NRCAM: variants seen among roughly 807,000 people sequenced by gnomAD.
NRCAM encodes neuronal cell adhesion molecule.
In NRCAM, 83 loss-of-function variants were observed where a neutral mutation model predicts 156.5. That is an observed-to-expected ratio of 0.53 (90% CI 0.44 to 0.64). NRCAM has a LOEUF of 0.64. Among genes scored for constraint, NRCAM ranks in the 30% least tolerant of loss-of-function variants. NRCAM has a pLI of 0.00. For missense variants in NRCAM, 1,417 were observed against 1,597.3 expected (o/e 0.89, Z 1.92); for synonymous variants, 538 against 563.9 (o/e 0.95, Z 0.65).
chr7:108,216,343 C>T (rs999606454), intron 11 of NRCAM, among the ~76,000 whole-genome samples: 2 of 152,164 alleles, frequency 1.3e-5, no homozygotes, highest in African/African-American at 4.8e-5. Flanking sequence ...TTGTCCTTAA[C>T]ATTTTTTCCT....
chr7:108,369,790 A>G (rs528536484), intron 2 of NRCAM, among the ~76,000 whole-genome samples: 1 of 152,270 alleles, frequency 6.6e-6, no homozygotes, highest in South Asian at 2.1e-4. Flanking sequence ...ATTAGCTTTA[A>G]CATATAGACT....
Position 108,175,804 on chromosome 7 carries a change from G to A in NRCAM, c.3152-447C>T, listed in dbSNP as rs186320205. Among the ~76,000 whole-genome samples the A allele has an allele frequency of 2.5e-3, 377 of 152,150 alleles. 5 individuals are homozygous for A. Among genetic ancestry groups the A allele is most frequent in the Non-Finnish European group, 3.7e-3 (252 of 67,960 alleles). ...ATTTTCATTGAATCTCAAGATTTCA[G>A]AATAACTTTTTAAAGTATGAAAAGA... On this transcript the variant is annotated intron_variant, in intron 27 of 32. Transcript: ENST00000379028.
chr7:108,302,567 G>A (rs1484548709), intron 3 of NRCAM, among the ~76,000 whole-genome samples: 1 of 152,156 alleles, frequency 6.6e-6, no homozygotes, highest in Non-Finnish European at 1.5e-5. Context: ...AAAGTTCTTG[G>A]TAAATTTAAA....
chr7:108,303,706 T>C (rs889789716), intron 3 of NRCAM, among the ~76,000 whole-genome samples: 2 of 152,116 alleles, frequency 1.3e-5, no homozygotes, highest in Admixed American at 6.5e-5. Context: ...ATGTAGGATC[T>C]AGTTGGCCTC....
Position 108,149,457 on chromosome 7 carries a change from A to C in NRCAM, c.*453T>G, listed in dbSNP as rs1327128449. On this transcript the variant is annotated 3_prime_UTR_variant, in exon 33 of 33. Transcript: ENST00000379028. ...ACAACAATGTCCACAAAGACATTGA[A>C]GTTCTAGAGAATACTACAGTAACAT... is the stretch of plus-strand genomic sequence containing the variant. The C allele has an allele frequency of 6.1e-6, 1 of 162,776 alleles. No individual in the cohort carries two copies. The highest frequency in any genetic ancestry group is 1.3e-5 in the Non-Finnish European group (1 of 74,176). The allele number at this position is 162,776 out of a possible 1,614,324, so 10.1% of individuals were successfully genotyped here.
chr7:108,420,536 C>T (rs970137759), intron 1 of NRCAM, among the ~76,000 whole-genome samples: 1 of 152,154 alleles, frequency 6.6e-6, no homozygotes, highest in Non-Finnish European at 1.5e-5. Flanking sequence ...GGGAGTTTCT[C>T]AGCTAGATGG....
In NRCAM at chr7:108,160,401, A is replaced by C; in HGVS notation, c.3558T>G (p.Ile1186Met). 6.2e-7 allele frequency: 1 copy of C among 1,613,804 alleles called. No homozygotes were observed. The highest frequency in any genetic ancestry group is 8.5e-7 in the Non-Finnish European group (1 of 1,179,734). ...AVALLILILL[I>M]VCFIRRNKGG... The stretch of plus-strand genomic sequence containing the variant: ...CCTTGTTTCTTCTGATGAAGCAAAC[A>C]ATCAGCAAAATTAAGATAAGGAGAG... The change falls in exon 31 of 33, where the codon ATT becomes ATG. Residue 1186 changes from isoleucine to methionine, a missense_variant. Coordinates refer to ENST00000379028, the MANE Select transcript of NRCAM (RefSeq NM_001037132.4).
At chr7:108,428,262 G>A (rs1193514752) in intron 1 of NRCAM, among the ~76,000 whole-genome samples, 1 of 151,830 alleles carries the variant, frequency 6.6e-6, no homozygotes, top group Non-Finnish European at 1.5e-5. Flanking sequence ...TTTATTTTTC[G>A]CTAAAAATAA....
chr7:108,189,468 C>T (rs1258718971), intron 20 of NRCAM, among the ~76,000 whole-genome samples, 177 bp downstream of exon 20: 2 of 152,030 alleles, frequency 1.3e-5, no homozygotes, highest in African/African-American at 4.8e-5. Context: ...GAAGGTGTAA[C>T]CAGGAATAGT....
chr7:108,451,979 T>G (rs912519925), intron 1 of NRCAM, among the ~76,000 whole-genome samples: 3 of 152,212 alleles, frequency 2.0e-5, no homozygotes, highest in African/African-American at 7.2e-5. Flanking sequence ...ATAAAAAACT[T>G]AGCAAAAACA....
At chr7:108,201,176 T>TTAAA (rs770354763) in intron 13 of NRCAM, among the ~76,000 whole-genome samples, 4 of 130,644 alleles carry the variant, frequency 3.1e-5, no homozygotes, top group African/African-American at 8.3e-5. Context: ...TTAAGGTCGG[T>TTAAA]AAAAAAAAAA....
At chr7:108,161,553 C>T (rs115646617) in intron 30 of NRCAM, among the ~76,000 whole-genome samples, 1 of 152,084 alleles carries the variant, frequency 6.6e-6, no homozygotes, top group African/African-American at 2.4e-5. Context: ...CTTCTTTTGA[C>T]TCTATAAGCA....
chr7:108,240,874 TG>T (rs766470275), intron 3 of NRCAM, among the ~76,000 whole-genome samples: 1 of 152,230 alleles, frequency 6.6e-6, no homozygotes, highest in Non-Finnish European at 1.5e-5. Flanking sequence ...CCTACAAACC[TG>T]ATTTCCTTTT....
chr7:108,339,594 T>C (rs1228630169), intron 2 of NRCAM, among the ~76,000 whole-genome samples: 2 of 152,126 alleles, frequency 1.3e-5, no homozygotes, highest in Non-Finnish European at 2.9e-5. Context: ...AATCCAGCAG[T>C]CCGAACCCCT....
At chr7:108,153,475 T>G (rs1267238903) in intron 32 of NRCAM, among the ~76,000 whole-genome samples, 1 of 152,120 alleles carries the variant, frequency 6.6e-6, no homozygotes, top group Non-Finnish European at 1.5e-5. Flanking sequence ...TTAACCTGAT[T>G]AAGGGTAGCA....
rs76788932 is a variant in NRCAM at position 108,369,812 on chromosome 7, T to C, written c.-174+29624A>G. 5.8e-3 allele frequency among the ~76,000 whole-genome samples: 890 copies of C among 152,236 alleles called. 9 individuals are homozygous for C. The highest frequency in any genetic ancestry group is 0.02 in the African/African-American group (849 of 41,550). On this transcript the variant is annotated intron_variant, in intron 2 of 32. Transcript: ENST00000379028. ...TTAACATATAGACTCATACTACATT[T>C]TCCCTTTGAAGCCATTATGCTTCAG...
intron 29 of NRCAM, among the ~76,000 whole-genome samples, chr7:108,167,509 C>A (rs142805118): frequency 1.8e-4 from 27 of 152,264 alleles, no homozygotes; most frequent in African/African-American, 6.5e-4. Context: ...TGCCTTCCAA[C>A]GTATCCAATT....
chr7:108,262,020 T>C (rs1409272414), intron 3 of NRCAM, among the ~76,000 whole-genome samples: 1 of 152,096 alleles, frequency 6.6e-6, no homozygotes. Flanking sequence ...TTCTGTTGGC[T>C]CCTCCCCTCA....
At position 108,207,679 on chromosome 7, in the gene NRCAM, A is replaced by C. The variant is rs377524130; in HGVS notation, c.1076-20T>G. 3.7e-5 allele frequency: 59 copies of C among 1,582,624 alleles called. 1 individual carries two copies. The highest frequency in any genetic ancestry group is 2.9e-4 in the East Asian group (13 of 44,448). On this transcript the variant is annotated intron_variant, in intron 12 of 32. Coordinates refer to ENST00000379028, the MANE Select transcript of NRCAM (RefSeq NM_001037132.4). Reference sequence around the variant, plus strand: ...GAGCCGCTTTATAGGAGGAAGAAAAAAGACCAAAAATCTGAATCAAATAAG... The same window carrying C: ...GAGCCGCTTTATAGGAGGAAGAAAACAGACCAAAAATCTGAATCAAATAAG...
Sources: allele counts gnomAD v4.1 joint callset (sites outside exome capture counted in the v4.1 genomes callset), GRCh38; gene constraint gnomAD v4.1.1; transcripts MANE v1.5; gene names NCBI Gene and HGNC (gene_info 2026-07-23, HGNC 2026-07-21).